CCDC88A: variants seen among roughly 807,000 people sequenced by gnomAD.
CCDC88A encodes girdin.
In CCDC88A, 54 loss-of-function variants were observed where a neutral mutation model predicts 234.3. The ratio of observed to expected loss-of-function variants is 0.23; its 90% CI spans 0.19 to 0.29. CCDC88A has a LOEUF of 0.29. CCDC88A is among the 10% of genes least tolerant of loss of function. The pLI is 1.00. For missense variants in CCDC88A, 1,832 were observed against 2,123.4 expected, an observed-to-expected ratio of 0.86 and a Z score of 2.70; for synonymous variants, 753 against 737.8, an observed-to-expected ratio of 1.02 and a Z score of -0.33.
At chr2:55,319,065 C>G in intron 18 of CCDC88A, 61 bp from the exon 19 acceptor site, 2 of 1,315,046 alleles carry the variant, frequency 1.5e-6, no homozygotes, top group Non-Finnish European at 2.1e-6. Flanking sequence ...AAATATGTTT[C>G]TATAGTATAC....
intron 3 of CCDC88A, among the ~76,000 whole-genome samples, chr2:55,378,518 G>A (rs1471532338): frequency 1.3e-5 from 2 of 152,114 alleles, no homozygotes; most frequent in Non-Finnish European, 2.9e-5. Flanking sequence ...AGGGTAGGAA[G>A]TGAAACAAAA....
At chr2:55,410,544 TCTCA>T (rs957151269) in intron 2 of CCDC88A, among the ~76,000 whole-genome samples, 1 of 152,182 alleles carries the variant, frequency 6.6e-6, no homozygotes, top group African/African-American at 2.4e-5. Context: ...GCAGATCTCC[TCTCA>T]CTCAGAGTGA....
At chr2:55,331,376 G>GTTAT (rs1487020996) in intron 16 of CCDC88A, among the ~76,000 whole-genome samples, 1 of 152,024 alleles carries the variant, frequency 6.6e-6, no homozygotes, top group Non-Finnish European at 1.5e-5. Context: ...ATATCTTTTT[G>GTTAT]TTATTACACA....
intron 7 of CCDC88A, chr2:55,355,960 A>G (rs1670515915): frequency 5.3e-6 from 2 of 377,752 alleles, no homozygotes; most frequent in Non-Finnish European, 4.7e-6. Context: ...TTAACAAGAT[A>G]ATAATGCTTT....
Position 55,347,606 on chromosome 2 carries a change from C to CTTTTTTTTTTTTTTTTTTTTTTTT in CCDC88A, c.883-1274_883-1273insAAAAAAAAAAAAAAAAAAAAAAAA, listed in dbSNP as rs547733323. On this transcript the variant is annotated intron_variant, in intron 9 of 32. Coordinates refer to ENST00000436346, the MANE Select transcript of CCDC88A (RefSeq NM_001365480.1). Reference sequence around the variant, plus strand: ...ATACCTATGTTATCTATTCATCTACCTTTTTTTTTTTTTTTTTTTTGAGAC... The same window carrying CTTTTTTTTTTTTTTTTTTTTTTTT: ...ATACCTATGTTATCTATTCATCTACCTTTTTTTTTTTTTTTTTTTTTTTTTTTTTTTTTTTTTTTTTTTTGAGAC... 6.9e-5 allele frequency among the ~76,000 whole-genome samples: 7 copies of CTTTTTTTTTTTTTTTTTTTTTTTT among 102,138 alleles called. 2 individuals carry two copies. The highest frequency in any genetic ancestry group is 1.2e-4 in the African/African-American group (3 of 25,330). The allele number at this position is 102,138 out of a possible 152,430, so 67.0% of individuals were successfully genotyped here.
At chr2:55,314,528 C>A (rs1206261139) in intron 22 of CCDC88A, 1 of 152,506 alleles carries the variant, frequency 6.6e-6, no homozygotes, top group African/African-American at 2.4e-5. Context: ...CCTCAGCCTC[C>A]CGAGTAGCTG....
At position 55,288,870 on chromosome 2, in the gene CCDC88A, GGGA is replaced by G. The variant is rs1272374420; in HGVS notation, c.*2327_*2329del. The G allele has an allele frequency of 6.6e-6, 1 of 152,150 alleles. No individual in the cohort carries two copies. The highest frequency in any genetic ancestry group is 1.5e-5 in the Non-Finnish European group (1 of 68,022). 9.4% of individuals were successfully genotyped at this position (152,150 alleles called of 1,614,324 possible). A position where few individuals can be genotyped will look rare whatever the true frequency, so the allele number is the denominator to read the frequency against. ...TTATTGTTTGGCAGAAGTTGTTTAG[GGGA>G]GAAGAGTGGCTTCCTACAAAGTTTG... On this transcript the variant is annotated 3_prime_UTR_variant, in exon 33 of 33. Transcript: ENST00000436346.
At position 55,308,987 on chromosome 2, in the gene CCDC88A, C is replaced by T; in HGVS notation, c.4209G>A (p.Leu1403=). ...GATTAATATCTTTCTTAGACTTTAT[C>T]AATTTTCTCATTTTTAGAGTAATCC... ...GNWITLKMRK[L]IKSKKDINRE... Residue 1403 remains leucine (L), a synonymous_variant, in exon 25 of 33, where the codon TTG becomes TTA. Transcript: ENST00000436346. 1 of 1,613,944 alleles carries T rather than the reference C, an allele frequency of 6.2e-7. No individual in the cohort carries two copies. Among genetic ancestry groups the T allele is most frequent in the Non-Finnish European group, 8.5e-7 (1 of 1,179,860 alleles).
intron 2 of CCDC88A, among the ~76,000 whole-genome samples, chr2:55,393,709 G>A (rs1055257678): frequency 2.6e-5 from 4 of 152,066 alleles, no homozygotes; most frequent in Non-Finnish European, 4.4e-5. Context: ...CATCAGTAAA[G>A]GACAGTTTAT....
chr2:55,329,440 A>G (rs1478770293), intron 16 of CCDC88A: 1 of 152,222 alleles, frequency 6.6e-6, no homozygotes, highest in Non-Finnish European at 1.5e-5. Context: ...GTCATTGAAT[A>G]CAGAGAACAA....
intron 7 of CCDC88A, among the ~76,000 whole-genome samples, chr2:55,359,843 A>T (rs1202952202): frequency 1.3e-5 from 2 of 152,144 alleles, no homozygotes; most frequent in African/African-American, 4.8e-5. Flanking sequence ...ATAAAAAGAT[A>T]CATCAATGCT....
chr2:55,401,532 A>C, intron 2 of CCDC88A, among the ~76,000 whole-genome samples: 1 of 52,528 alleles, frequency 1.9e-5, no homozygotes, highest in Non-Finnish European at 4.4e-5. Context: ...ATATATATAT[A>C]TATATATTCC....
chr2:55,326,652 T>G (rs6715991), intron 17 of CCDC88A, among the ~76,000 whole-genome samples: 10,537 of 152,128 alleles, frequency 0.069, 1,165 homozygotes, highest in African/African-American at 0.23. Flanking sequence ...AACCTCTACC[T>G]CCTGGATTCA....
intron 2 of CCDC88A, among the ~76,000 whole-genome samples, chr2:55,415,985 G>T (rs534516088): frequency 6.6e-6 from 1 of 151,208 alleles, no homozygotes; most frequent in South Asian, 2.1e-4. Context: ...CAAATGACTG[G>T]CATCAAATTA....
chr2:55,335,100 G>C lies in CCDC88A; in HGVS notation c.1721C>G (p.Ser574Cys). 1.3e-6 allele frequency: 2 copies of C among 1,597,870 alleles called. No homozygotes were observed. Among genetic ancestry groups the C allele is most frequent in the Non-Finnish European group, 1.7e-6 (2 of 1,174,050 alleles). ...CACTCTTGCTTCTGCACTTATCTGG[G>C]ACCGCTGCCTTAAGGAAGACACTGT... The part of the protein sequence containing the change: ...NQTVSSLRQR[S>C]QISAEARVKD... Residue 574 changes from serine to cysteine, a missense_variant, in exon 15 of 33, where the codon TCC becomes TGC. Coordinates refer to ENST00000436346, the MANE Select transcript of CCDC88A (RefSeq NM_001365480.1). This position sits in a 1 kb window ranked among gnomAD's most constrained non-coding sequence, Gnocchi z 4.5.
chr2:55,386,875 G>T (rs562603198), intron 3 of CCDC88A, among the ~76,000 whole-genome samples: 1 of 151,802 alleles, frequency 6.6e-6, no homozygotes, highest in Admixed American at 6.6e-5. Flanking sequence ...AAAACATGCA[G>T]CTTGAGCTAA....
Position 55,332,435 on chromosome 2 carries a change from T to C in CCDC88A, c.2855+131A>G. 7.3e-7 allele frequency: 1 copy of C among 1,364,784 alleles called. No homozygotes were observed. Among genetic ancestry groups the C allele is most frequent in the Non-Finnish European group, 9.4e-7 (1 of 1,058,532 alleles). The allele number at this position is 1,364,784 out of a possible 1,614,324, so 84.5% of individuals were successfully genotyped here. A position where few individuals can be genotyped will look rare whatever the true frequency, so the allele number is the denominator to read the frequency against. On this transcript the variant is annotated intron_variant, in intron 16 of 32. Coordinates refer to ENST00000436346, the MANE Select transcript of CCDC88A (RefSeq NM_001365480.1). This position sits in a 1 kb window ranked among gnomAD's most constrained non-coding sequence, Gnocchi z 4.5. ...CCGCACCCGGCTACAGAACTTTCCTTAAGGGAAGGAAGGAACCAGAAATAG... is the reference window on the plus strand; with the variant it reads ...CCGCACCCGGCTACAGAACTTTCCTCAAGGGAAGGAAGGAACCAGAAATAG...
At chr2:55,320,988 T>G (rs1430339465) in intron 18 of CCDC88A, 1 of 152,192 alleles carries the variant, frequency 6.6e-6, no homozygotes, top group African/African-American at 2.4e-5. Context: ...TGTGCACCTG[T>G]GCTCCCAGCT....
intron 31 of CCDC88A, chr2:55,294,408 A>G (rs570887257): frequency 1.0e-5 from 9 of 904,234 alleles, no homozygotes; most frequent in Admixed American, 1.2e-4. Context: ...CACTAAGTTT[A>G]TAAGTATTAA....
Sources: gnomAD v4.1 joint callset for allele counts (sites outside exome capture counted in the v4.1 genomes callset) on GRCh38, gnomAD v4.1.1 for gene constraint, Gnocchi (gnomAD v3.1) non-coding constraint, MANE v1.5 for transcripts, NCBI Gene and HGNC (gene_info 2026-07-23, HGNC 2026-07-21) for gene names.